CABYR: variants seen among roughly 807,000 people sequenced by gnomAD.
CABYR encodes the protein calcium-binding tyrosine phosphorylation-regulated protein.
CABYR carries 31 observed loss-of-function variants against 36.1 expected under a neutral mutation model. That is an observed-to-expected ratio of 0.86 (90% CI 0.64 to 1.16). The LOEUF (loss-of-function observed/expected upper bound fraction) is 1.16, where lower values mean the gene tolerates loss of function less well. Among genes scored for constraint, CABYR ranks in the 50% most tolerant of loss-of-function variants. The pLI is 0.00. For missense variants in CABYR, 429 were observed against 455.8 expected (o/e 0.94, Z 0.53); for synonymous variants, 146 against 160.7 (o/e 0.91, Z 0.69).
chr18:24,139,299 C>T (rs964799777), intron 1 of CABYR, among the ~76,000 whole-genome samples, 181 bp downstream of exon 1: 3 of 152,044 alleles, frequency 2.0e-5, no homozygotes, highest in African/African-American at 7.2e-5. Context: ...GGCCAGCTGC[C>T]GAATCTGAGG....
rs757814630 is a variant in CABYR at position 24,155,754 on chromosome 18, G to A, written c.253G>A (p.Glu85Lys). The change falls in exon 4 of 6, where the codon GAA becomes AAA. Residue 85 changes from glutamate (E) to lysine (K), a missense_variant. Glu to Lys is a moderately conservative substitution (Grantham distance 56, BLOSUM62 1). Transcript: ENST00000399496. ...TPQKKLECLK[E>K]PGKTSVESKV... ...ACAGAAGAAATTAGAATGTTTAAAA[G>A]AACCAGGAAAAACATCTGTAGAATC... 6.2e-7 allele frequency: 1 copy of A among 1,613,118 alleles called. No individual in the cohort carries two copies. The highest frequency in any genetic ancestry group is 1.1e-5 in the South Asian group (1 of 90,964).
In CABYR at chr18:24,150,775, TG is replaced by T. The variant is rs1204309768; in HGVS notation, c.200-4925del. On this transcript the variant is annotated intron_variant, in intron 3 of 5. Coordinates refer to ENST00000399496, the MANE Select transcript of CABYR (RefSeq NM_153769.3). Reference sequence around the variant, plus strand: ...CCCACCTCCAGTTTTTTTGTTTTTTTGTTTTTTGTTTTTTTTTTTTTTTGAG... The same window carrying T: ...CCCACCTCCAGTTTTTTTGTTTTTTTTTTTTTGTTTTTTTTTTTTTTTGAG... 414 of 97,936 alleles carry T rather than the reference TG, an allele frequency of 4.2e-3. 2 individuals carry two copies. Among genetic ancestry groups the T allele is most frequent in the Non-Finnish European group, 3.6e-3 (214 of 59,494 alleles). The allele number at this position is 97,936 out of a possible 1,614,324, so 6.1% of individuals were successfully genotyped here. A position where few individuals can be genotyped will look rare whatever the true frequency, so the allele number is the denominator to read the frequency against.
rs117008637 is a variant in CABYR at position 24,148,131 on chromosome 18, C to T, written c.199+4718C>T. Among the ~76,000 whole-genome samples the T allele has an allele frequency of 3.4e-3, 511 of 152,304 alleles. 6 individuals carry two copies. The East Asian group carries it at 0.047, about 14-fold the overall frequency. On this transcript the variant is annotated intron_variant, in intron 3 of 5. Coordinates refer to ENST00000399496, the MANE Select transcript of CABYR (RefSeq NM_153769.3). Reference sequence around the variant, plus strand: ...TTGCAAGTTTTCCAGCAGATTTCCGCTTCTGTCCCACAGGCCAAAGGAGGC... The same window carrying T: ...TTGCAAGTTTTCCAGCAGATTTCCGTTTCTGTCCCACAGGCCAAAGGAGGC...
rs181196190 is a variant in CABYR at position 24,140,476 on chromosome 18, A to G, written c.-25+1358A>G. On this transcript the variant is annotated intron_variant, in intron 1 of 5. Transcript: ENST00000399496. ...TGTATATATTTATGGGGCACATGAG[A>G]TGTTTTGATTCAGACATACAATGTT... Among the ~76,000 whole-genome samples, 14 of 141,856 alleles carry G rather than the reference A, an allele frequency of 9.9e-5. No homozygotes were observed. In the East Asian group the frequency reaches 2.5e-3, roughly 26 times the overall value. 93.1% of individuals were successfully genotyped at this position (141,856 alleles called of 152,430 possible).
chr18:24,159,685 C>A lies in CABYR; in HGVS notation c.755C>A (p.Thr252Asn), dbSNP rs1310439699. ...TTTCCAACTTATGTGATGGGCGACA[C>A]CAAGAAGACCAGTGCCCCACCTTTT... ...VTFPTYVMGD[T>N]KKTSAPPFIL... The change falls in exon 5 of 6, where the codon ACC becomes AAC. Residue 252 changes from threonine (T) to asparagine (N), a missense_variant. By Grantham distance (65) the Thr-to-Asn change is moderately conservative (BLOSUM62 0). Coordinates refer to ENST00000399496, the MANE Select transcript of CABYR (RefSeq NM_153769.3). 1 of 1,613,932 alleles carries A rather than the reference C, an allele frequency of 6.2e-7. No individual in the cohort carries two copies. Among genetic ancestry groups the A allele is most frequent in the African/African-American group, 1.3e-5 (1 of 74,862 alleles).
At chr18:24,143,659 A>G (rs773963028) in intron 3 of CABYR, among the ~76,000 whole-genome samples, 10 of 151,740 alleles carry the variant, frequency 6.6e-5, no homozygotes, top group South Asian at 4.2e-4. Flanking sequence ...TAGCCTCCCA[A>G]GTAGCTTGGA....
Position 24,155,951 on chromosome 18 carries a change from T to C in CABYR, c.450T>C (p.Thr150=). Residue 150 remains threonine (T), a synonymous_variant, in exon 4 of 6, where the codon ACT becomes ACC. Transcript: ENST00000399496. ...LSSKPATPKT[T]TPPSSPPPTA... ...CCAAACCAGCCACCCCTAAGACTAC[T>C]ACCCCACCCTCATCACCACCTCCAA... The C allele has an allele frequency of 5.0e-6, 8 of 1,614,164 alleles. No individual in the cohort carries two copies. The highest frequency in any genetic ancestry group is 6.8e-6 in the Non-Finnish European group (8 of 1,180,040).
At chr18:24,151,940 T>G (rs2085649135) in intron 3 of CABYR, among the ~76,000 whole-genome samples, 1 of 152,192 alleles carries the variant, frequency 6.6e-6, no homozygotes, top group Non-Finnish European at 1.5e-5. Flanking sequence ...TCTGCCTGCC[T>G]CAGCCTCCCA....
intron 4 of CABYR, among the ~76,000 whole-genome samples, chr18:24,158,859 T>C (rs1324717503): frequency 1.3e-5 from 2 of 152,132 alleles, no homozygotes; most frequent in Non-Finnish European, 2.9e-5. Flanking sequence ...AAAGAATCCC[T>C]GTGGGACCAG....
chr18:24,148,724 T>G (rs895850424), intron 3 of CABYR: 1 of 148,670 alleles, frequency 6.7e-6, no homozygotes, highest in Admixed American at 6.7e-5. Flanking sequence ...CAGACCTTCA[T>G]GGTGAGTGTT....
At chr18:24,147,416 A>G (rs1361805241) in intron 3 of CABYR, among the ~76,000 whole-genome samples, 1 of 152,150 alleles carries the variant, frequency 6.6e-6, no homozygotes, top group Non-Finnish European at 1.5e-5. Flanking sequence ...GACCAGGACA[A>G]AGATCTCCAA....
intron 3 of CABYR, among the ~76,000 whole-genome samples, chr18:24,146,182 T>C (rs1301932982): frequency 1.3e-5 from 2 of 152,154 alleles, no homozygotes; most frequent in East Asian, 1.9e-4. Context: ...ATAACCATGA[T>C]TGATATTTTG....
intron 4 of CABYR, 26 bp downstream of exon 4, chr18:24,156,068 T>A: frequency 6.2e-7 from 1 of 1,614,144 alleles, no homozygotes; most frequent in Non-Finnish European, 8.5e-7. Flanking sequence ...TTCATTCTGA[T>A]CAATCTGATG....
chr18:24,146,164 G>T (rs1358338612), intron 3 of CABYR, among the ~76,000 whole-genome samples: 2 of 152,130 alleles, frequency 1.3e-5, no homozygotes, highest in African/African-American at 4.8e-5. Flanking sequence ...ACATGAGGTG[G>T]ATAGAAAATA....
At chr18:24,144,597 T>C (rs2085414952) in intron 3 of CABYR, among the ~76,000 whole-genome samples, 2 of 151,656 alleles carry the variant, frequency 1.3e-5, no homozygotes, top group Admixed American at 6.6e-5. Flanking sequence ...GAGACCCCCA[T>C]CTCTAAACAA....
chr18:24,144,410 AG>A (rs1477393951), intron 3 of CABYR, among the ~76,000 whole-genome samples: 7 of 152,228 alleles, frequency 4.6e-5, no homozygotes, highest in Non-Finnish European at 8.8e-5. Flanking sequence ...TGAGATAAAC[AG>A]GTAACACTTT....
chr18:24,140,371 C>G (rs1019327419), intron 1 of CABYR: 5 of 152,172 alleles, frequency 3.3e-5, no homozygotes, highest in African/African-American at 7.2e-5. Context: ...GCCTATGCCC[C>G]TTAGCATTTA....
At chr18:24,156,846 C>T (rs764686258) in intron 4 of CABYR, 2 of 1,614,062 alleles carry the variant, frequency 1.2e-6, no homozygotes, top group Non-Finnish European at 1.7e-6. Context: ...GGAAGGCAAA[C>T]CTGTGCTCTC....
In CABYR at chr18:24,140,571, ACTCTTT is replaced by A. The variant is rs2085292316; in HGVS notation, c.-25+1456_-25+1461del. On this transcript the variant is annotated intron_variant, in intron 1 of 5. Coordinates refer to ENST00000399496, the MANE Select transcript of CABYR (RefSeq NM_153769.3). ...TTTGTGTTACAAACAATCCAGTTATACTCTTTCTGTTATTTTAAAATGTACAATTAT... is the reference window on the plus strand; with the variant it reads ...TTTGTGTTACAAACAATCCAGTTATACTGTTATTTTAAAATGTACAATTAT... 3.3e-5 allele frequency among the ~76,000 whole-genome samples: 5 copies of A among 151,616 alleles called. No individual in the cohort carries two copies. The South Asian group carries it at 1.0e-3, about 32-fold the overall frequency.
Sources: gnomAD v4.1 joint callset for allele counts (sites outside exome capture counted in the v4.1 genomes callset) on GRCh38, gnomAD v4.1.1 for gene constraint, MANE v1.5 for transcripts, NCBI Gene and HGNC (gene_info 2026-07-23, HGNC 2026-07-21) for gene names.